Variants in GRXCR2 observed in about 807,000 individuals in gnomAD.
GRXCR2 encodes glutaredoxin domain-containing cysteine-rich protein 2.
Under a neutral mutation model 24.8 loss-of-function variants are expected in GRXCR2, and 23 were observed. The ratio of observed to expected loss-of-function variants is 0.93; its 90% CI spans 0.67 to 1.32. The LOEUF (loss-of-function observed/expected upper bound fraction) is 1.32. Among genes scored for constraint, GRXCR2 ranks in the 40% most tolerant of loss-of-function variants. The pLI, the probability that GRXCR2 is intolerant of heterozygous loss-of-function variation, is 0.00. For missense variants in GRXCR2, 315 were observed against 303.4 expected (o/e 1.04, Z -0.28); for synonymous variants, 130 against 116.1 (o/e 1.12, Z -0.77).
At chr5:145,861,715 A>T (rs533645587) in intron 2 of GRXCR2, among the ~76,000 whole-genome samples, 6 of 152,252 alleles carry the variant, frequency 3.9e-5, no homozygotes, top group East Asian at 1.9e-4. Context: ...TATCTGGAGA[A>T]CCCTTCCTGT....
intron 1 of GRXCR2, among the ~76,000 whole-genome samples, chr5:145,870,364 A>G (rs1434561565): frequency 6.6e-6 from 1 of 152,120 alleles, no homozygotes; most frequent in African/African-American, 2.4e-5. Context: ...TATTTCATTT[A>G]GTATAACGTC....
chr5:145,876,425 A>C (rs1181682649), upstream of GRXCR2, among the ~76,000 whole-genome samples: 3 of 151,330 alleles, frequency 2.0e-5, no homozygotes, highest in African/African-American at 7.3e-5. Context: ...CAAGGCATGC[A>C]ACAATTATTA....
At chr5:145,878,742 T>C (rs1756656487) in intron 2 of GRXCR2, among the ~76,000 whole-genome samples, 1 of 151,980 alleles carries the variant, frequency 6.6e-6, no homozygotes, top group South Asian at 2.1e-4. Flanking sequence ...AAACACATAA[T>C]TGTCAGATAC....
intron 2 of GRXCR2, among the ~76,000 whole-genome samples, chr5:145,892,068 G>A (rs1029137936): frequency 1.3e-5 from 2 of 152,160 alleles, no homozygotes; most frequent in Non-Finnish European, 2.9e-5. Flanking sequence ...CTGCAGCTGA[G>A]GGTCCTGACT....
intron 2 of GRXCR2, among the ~76,000 whole-genome samples, chr5:145,901,154 A>T (rs1680836724): frequency 7.1e-6 from 1 of 140,814 alleles, no homozygotes; most frequent in South Asian, 2.7e-4. Context: ...TAGAGGGGGG[A>T]AGGAGGGAGG....
chr5:145,927,503 T>C (rs1374045801), intron 2 of GRXCR2, among the ~76,000 whole-genome samples: 1 of 152,230 alleles, frequency 6.6e-6, no homozygotes, highest in Non-Finnish European at 1.5e-5. Flanking sequence ...GTTTTTGTCA[T>C]TGGTTCTGTT....
intron 2 of GRXCR2, among the ~76,000 whole-genome samples, chr5:145,913,949 C>T (rs567240641): frequency 8.5e-4 from 129 of 152,304 alleles, no homozygotes; most frequent in African/African-American, 2.9e-3. Context: ...CACACTCAGG[C>T]GTTTTGATTT....
intron 2 of GRXCR2, among the ~76,000 whole-genome samples, chr5:145,885,123 C>G (rs73792717): frequency 0.081 from 8,799 of 109,036 alleles, 769 homozygotes; most frequent in African/African-American, 0.25. Context: ...GTGTGTGTGT[C>G]TGTCTGTCTG....
At chr5:145,887,671 A>G (rs538854842) in intron 2 of GRXCR2, among the ~76,000 whole-genome samples, 2 of 152,306 alleles carry the variant, frequency 1.3e-5, no homozygotes, top group East Asian at 3.9e-4. Flanking sequence ...TTATTTTATT[A>G]GTGGGAGTGG....
At chr5:145,923,879 T>C (rs533603508) in intron 2 of GRXCR2, among the ~76,000 whole-genome samples, 1 of 152,306 alleles carries the variant, frequency 6.6e-6, no homozygotes, top group East Asian at 1.9e-4. Flanking sequence ...CTATTTATTC[T>C]CCATTACAAA....
intron 2 of GRXCR2, among the ~76,000 whole-genome samples, chr5:145,915,287 G>A (rs142528483): frequency 9.5e-4 from 145 of 152,292 alleles, no homozygotes; most frequent in African/African-American, 3.4e-3. Context: ...TTTGGGTAGT[G>A]TTAATCAGTC....
chr5:145,874,209 AT>A (rs1184224409), upstream of GRXCR2, among the ~76,000 whole-genome samples: 1,694 of 141,528 alleles, frequency 0.012, 28 homozygotes, highest in African/African-American at 0.037. Context: ...ATTTTATTTT[AT>A]TTTTTTTTTT....
intron 2 of GRXCR2, among the ~76,000 whole-genome samples, chr5:145,896,638 G>A (rs1171821709): frequency 1.3e-5 from 2 of 152,132 alleles, no homozygotes; most frequent in Non-Finnish European, 2.9e-5. Context: ...GAAACAACAG[G>A]TGCTGGAGAG....
chr5:145,929,733 T>C (rs1000851657), intron 2 of GRXCR2, among the ~76,000 whole-genome samples: 7 of 152,338 alleles, frequency 4.6e-5, no homozygotes, highest in Non-Finnish European at 7.3e-5. Context: ...TTCCTTCTAA[T>C]CTGTAGAGGA....
At chr5:145,888,622 T>G (rs906634558) in intron 2 of GRXCR2, among the ~76,000 whole-genome samples, 1 of 152,176 alleles carries the variant, frequency 6.6e-6, no homozygotes, top group Non-Finnish European at 1.5e-5. Context: ...TACAGTGTTT[T>G]GTATAAATTC....
At chr5:145,869,129 T>C (rs1756482826) in intron 1 of GRXCR2, among the ~76,000 whole-genome samples, 1 of 152,224 alleles carries the variant, frequency 6.6e-6, no homozygotes, top group African/African-American at 2.4e-5. Context: ...AAAGCCTTAT[T>C]GGGTACTAGA....
intron 1 of GRXCR2, 30 bp downstream of exon 1, chr5:145,872,603 T>C: frequency 6.5e-7 from 1 of 1,530,930 alleles, no homozygotes. Flanking sequence ...GCCCTACCCT[T>C]AAAGCCTATA....
At chr5:145,888,309 G>T (rs1415308236) in intron 2 of GRXCR2, among the ~76,000 whole-genome samples, 4 of 152,148 alleles carry the variant, frequency 2.6e-5, no homozygotes, top group African/African-American at 9.7e-5. Flanking sequence ...AAAGCATGGG[G>T]TCCTGGAAGA....
intron 2 of GRXCR2, among the ~76,000 whole-genome samples, chr5:145,878,348 T>C (rs1034327940): frequency 6.6e-6 from 1 of 152,000 alleles, no homozygotes; most frequent in African/African-American, 2.4e-5. Flanking sequence ...AGAGAAGACC[T>C]TAAATGACCT....
Sources: allele counts gnomAD v4.1 joint callset (sites outside exome capture counted in the v4.1 genomes callset), GRCh38; gene constraint gnomAD v4.1.1; transcripts MANE v1.5; gene names NCBI Gene and HGNC (gene_info 2026-07-23, HGNC 2026-07-21).